IQCF3: variants seen among roughly 807,000 people sequenced by gnomAD.
The protein encoded by IQCF3 is IQ domain-containing protein F3.
A neutral mutation model predicts 5.1 loss-of-function variants in IQCF3; 7 were observed. That is an observed-to-expected ratio of 1.36 (90% confidence interval 0.78 to 2.56). IQCF3 has a LOEUF of 2.56. Ranked by LOEUF, IQCF3 falls within the 30% of genes most tolerant of loss-of-function variation. The pLI, the probability that IQCF3 is intolerant of heterozygous loss-of-function variation, is 0.00. For synonymous variants in IQCF3, 82 were observed against 72.8 expected, an observed-to-expected ratio of 1.13 and a Z score of -0.64; for missense variants, 189 against 196.5, an observed-to-expected ratio of 0.96 and a Z score of 0.23.
upstream of IQCF3, among the ~76,000 whole-genome samples, chr3:51,827,705 G>T (rs1204039735): frequency 6.6e-6 from 1 of 151,934 alleles, no homozygotes; most frequent in East Asian, 1.9e-4. Context: ...GTGTAGGTTT[G>T]TTATATAGAT....
chr3:51,829,708 A>G lies in IQCF3; in HGVS notation c.62A>G (p.Gln21Arg). ...GATGCAGTAGAAAGACAGAGGCGGC[A>G]GAAGGTAGGTGGGGCCCAGGAGGGT... ...DEDAVERQRR[Q>R]KLLLAQLHHR... The change falls in exon 2 of 3, where the codon CAG becomes CGG. Residue 21 changes from glutamine (Q) to arginine (R), a missense_variant. By Grantham distance (43) the Gln-to-Arg change is conservative (BLOSUM62 1). Coordinates refer to ENST00000440739, the MANE Select transcript of IQCF3 (RefSeq NM_001393887.1). 6.2e-7 allele frequency: 1 copy of G among 1,613,774 alleles called. No individual in the cohort carries two copies. The highest frequency in any genetic ancestry group is 8.5e-7 in the Non-Finnish European group (1 of 1,179,806).
upstream of IQCF3, among the ~76,000 whole-genome samples, chr3:51,827,899 T>C (rs1405058403): frequency 6.6e-6 from 1 of 152,156 alleles, no homozygotes; most frequent in African/African-American, 2.4e-5. Flanking sequence ...CGCTTCTAAG[T>C]GAGAATATGT....
chr3:51,829,278 T>A, upstream of IQCF3: 3 of 606,558 alleles, frequency 4.9e-6, no homozygotes, highest in Non-Finnish European at 6.0e-6. Context: ...CAACAGAGAG[T>A]TGCCCAAGGA....
chr3:51,827,995 CT>C (rs1322208938), upstream of IQCF3, among the ~76,000 whole-genome samples: 2 of 151,968 alleles, frequency 1.3e-5, no homozygotes, highest in Non-Finnish European at 2.9e-5. Flanking sequence ...AATTAAACCT[CT>C]TTTCTTTATA....
In IQCF3 at chr3:51,830,376, T is replaced by C. The variant is rs750623296; in HGVS notation, c.67-27T>C. 5 of 1,517,700 alleles carry C rather than the reference T, an allele frequency of 3.3e-6. No homozygotes were observed. The highest frequency in any genetic ancestry group is 2.4e-4 in the Middle Eastern group (1 of 4,116). The allele number at this position is 1,517,700 out of a possible 1,614,324, so 94.0% of individuals were successfully genotyped here. A position where few individuals can be genotyped will look rare whatever the true frequency, so the allele number is the denominator to read the frequency against. On this transcript the variant is annotated intron_variant, in intron 2 of 2. Transcript: ENST00000440739. This position sits in a 1 kb window ranked among gnomAD's most constrained non-coding sequence, Gnocchi z 4.1. ...CTGTGCTTGATGGTGATAAATTCACTGGGAGTCCTCTGCTTTGCTTGGCCA... is the reference window on the plus strand; with the variant it reads ...CTGTGCTTGATGGTGATAAATTCACCGGGAGTCCTCTGCTTTGCTTGGCCA...
intron 1 of IQCF3, 74 bp from the exon 2 acceptor site, chr3:51,829,591 A>G: frequency 6.3e-7 from 1 of 1,596,868 alleles, no homozygotes; most frequent in South Asian, 1.1e-5. Flanking sequence ...AAGAATGGGG[A>G]ACTGGGCCTG....
At chr3:51,829,363 C>A, upstream of IQCF3, 1 of 1,218,704 alleles carries the variant, frequency 8.2e-7, no homozygotes, top group Non-Finnish European at 1.2e-6. Flanking sequence ...GGCCCCTGGT[C>A]ATAGTTGCCT....
upstream of IQCF3, among the ~76,000 whole-genome samples, chr3:51,827,596 T>C (rs1047901549): frequency 1.3e-5 from 2 of 152,062 alleles, no homozygotes; most frequent in Middle Eastern, 3.2e-3. Flanking sequence ...AATTTATCAT[T>C]GTAAGTTTTT....
chr3:51,829,306 G>C, upstream of IQCF3: 1 of 683,244 alleles, frequency 1.5e-6, no homozygotes, highest in Admixed American at 2.6e-5. Flanking sequence ...AGGAGAGCCA[G>C]GTATTTTCTC....
At chr3:51,829,145 T>G, upstream of IQCF3, 1 of 314,556 alleles carries the variant, frequency 3.2e-6, no homozygotes, top group East Asian at 6.4e-5. Context: ...AAAGCAGAAT[T>G]GTAAAGGGGC....
intron 1 of IQCF3, 43 bp downstream of exon 1, chr3:51,829,536 C>T: frequency 6.3e-7 from 1 of 1,594,198 alleles, no homozygotes; most frequent in Non-Finnish European, 8.5e-7. Flanking sequence ...TGGGAGTTGT[C>T]CCATGGCCCA....
At position 51,829,494 on chromosome 3, in the gene IQCF3, G is replaced by T. The variant is rs1305564081; in HGVS notation, c.18+1G>T. 6.3e-7 allele frequency: 1 copy of T among 1,598,148 alleles called. No homozygotes were observed. The highest frequency in any genetic ancestry group is 1.1e-5 in the South Asian group (1 of 88,002). ...CCAAACCATGGGCAGTAAATGCTGTGTAAGACTCAGGCACACAAACTCCCC... is the reference window on the plus strand; with the variant it reads ...CCAAACCATGGGCAGTAAATGCTGTTTAAGACTCAGGCACACAAACTCCCC... On this transcript the variant is annotated splice_donor_variant, in intron 1 of 2. Transcript: ENST00000440739. LOFTEE classifies it high-confidence loss of function.
upstream of IQCF3, among the ~76,000 whole-genome samples, chr3:51,827,684 C>T (rs1698306254): frequency 6.6e-6 from 1 of 151,746 alleles, no homozygotes; most frequent in Non-Finnish European, 1.5e-5. Context: ...ATTTTAGGTT[C>T]AGGGGTATAT....
At position 51,830,383 on chromosome 3, in the gene IQCF3, C is replaced by A; in HGVS notation, c.67-20C>A. ...TGATGGTGATAAATTCACTGGGAGT[C>A]CTCTGCTTTGCTTGGCCAGTTGCTT... On this transcript the variant is annotated intron_variant, in intron 2 of 2. Transcript: ENST00000440739. This position sits in a 1 kb window ranked among gnomAD's most constrained non-coding sequence, Gnocchi z 4.1. 1.3e-6 allele frequency: 2 copies of A among 1,522,970 alleles called. No homozygotes were observed. Among genetic ancestry groups the A allele is most frequent in the South Asian group, 2.6e-5 (2 of 75,764 alleles). The allele number at this position is 1,522,970 out of a possible 1,614,324, so 94.3% of individuals were successfully genotyped here. A position where few individuals can be genotyped will look rare whatever the true frequency, so the allele number is the denominator to read the frequency against.
upstream of IQCF3, chr3:51,828,323 C>T (rs1439407546): frequency 6.9e-6 from 1 of 144,076 alleles, no homozygotes; most frequent in African/African-American, 3.0e-5. Flanking sequence ...ATATATGGCT[C>T]TTATTATTTT....
rs369209908 is a variant in IQCF3 at position 51,829,453 on chromosome 3, C to T, written c.-23C>T. 1.3e-5 allele frequency: 21 copies of T among 1,593,364 alleles called. No homozygotes were observed. The African/African-American group carries it at 2.4e-4, about 18-fold the overall frequency. Reference sequence around the variant, plus strand: ...GAAACAGCAACCAGAGGGAGATGATCACCTGAACCACTGCTCCAAACCATG... The same window carrying T: ...GAAACAGCAACCAGAGGGAGATGATTACCTGAACCACTGCTCCAAACCATG... On this transcript the variant is annotated 5_prime_UTR_variant, in exon 1 of 3. Transcript: ENST00000440739.
chr3:51,827,943 T>A (rs1299969947), upstream of IQCF3, among the ~76,000 whole-genome samples: 1 of 152,198 alleles, frequency 6.6e-6, no homozygotes, highest in East Asian at 1.9e-4. Flanking sequence ...GTTGGTTTAC[T>A]AAGCCACTAT....
chr3:51,829,854 G>A, intron 2 of IQCF3, 142 bp downstream of exon 2: 2 of 808,536 alleles, frequency 2.5e-6, no homozygotes, highest in South Asian at 3.3e-5. Context: ...ACTGAGTAAG[G>A]TATGGAGATA....
At position 51,830,847 on chromosome 3, in the gene IQCF3, C is replaced by G; in HGVS notation, c.*46C>G. ...CAGGCTGCACTACCCTAATAAATGT[C>G]TGACCAGGTTGTGTGAGTCTCAGTG... On this transcript the variant is annotated 3_prime_UTR_variant, in exon 3 of 3. Transcript: ENST00000440739. This position sits in a 1 kb window ranked among gnomAD's most constrained non-coding sequence, Gnocchi z 4.1. 1 of 1,509,212 alleles carries G rather than the reference C, an allele frequency of 6.6e-7. No homozygotes were observed. The highest frequency in any genetic ancestry group is 8.9e-7 in the Non-Finnish European group (1 of 1,128,208). The allele number at this position is 1,509,212 out of a possible 1,614,324, so 93.5% of individuals were successfully genotyped here.
Sources: gnomAD v4.1 joint callset for allele counts (sites outside exome capture counted in the v4.1 genomes callset) on GRCh38, gnomAD v4.1.1 for gene constraint, Gnocchi (gnomAD v3.1) non-coding constraint, MANE v1.5 for transcripts, NCBI Gene and HGNC (gene_info 2026-07-23, HGNC 2026-07-21) for gene names.